The following CCDC122 variants were observed in gnomAD, a reference collection of about 807,000 sequenced individuals.
The protein encoded by CCDC122 is coiled-coil domain containing 122, also known as coiled-coil domain-containing protein 122.
CCDC122 carries 38 observed loss-of-function variants against 37.0 expected under a neutral mutation model. The observed-to-expected ratio is 1.03, with a 90% CI of 0.79 to 1.35. The LOEUF (loss-of-function observed/expected upper bound fraction) is 1.35, where lower values mean the gene tolerates loss of function less well. CCDC122 is among the 40% of genes most tolerant of loss of function. CCDC122 has a pLI of 0.00. For synonymous variants in CCDC122, 83 were observed against 95.6 expected (o/e 0.87, Z 0.77); for missense variants, 305 against 310.0 (o/e 0.98, Z 0.12).
intron 2 of CCDC122, among the ~76,000 whole-genome samples, chr13:43,873,191 C>T (rs1156436350): frequency 1.3e-5 from 2 of 152,098 alleles, no homozygotes; most frequent in Non-Finnish European, 2.9e-5. Context: ...ACATGTGATG[C>T]CATCTAGTTC....
rs1954681529 is a variant in CCDC122 at position 43,877,815 on chromosome 13, C to CA, written c.-200+1815dup. On this transcript the variant is annotated intron_variant, in intron 1 of 6. Transcript: ENST00000444614. ...CTCATACATAGAGGTTAAAACAAAACAAAAAAGCAAAGCAAAACATGCTCA... is the reference window on the plus strand; with the variant it reads ...CTCATACATAGAGGTTAAAACAAAACAAAAAAAGCAAAGCAAAACATGCTCA... The CA allele has an allele frequency of 2.6e-5, 4 of 151,934 alleles. No individual in the cohort carries two copies. The South Asian group carries it at 8.3e-4, about 32-fold the overall frequency. 9.4% of individuals were successfully genotyped at this position (151,934 alleles called of 1,614,324 possible). A position where few individuals can be genotyped will look rare whatever the true frequency, so the allele number is the denominator to read the frequency against.
At chr13:43,854,523 T>C (rs1953843683) in intron 6 of CCDC122, 1 of 152,198 alleles carries the variant, frequency 6.6e-6, no homozygotes, top group African/African-American at 2.4e-5. Context: ...CCAGATGGGT[T>C]CACAGCTGAA....
intron 6 of CCDC122, among the ~76,000 whole-genome samples, chr13:43,838,417 G>C (rs773786286): frequency 6.6e-6 from 1 of 152,110 alleles, no homozygotes; most frequent in Non-Finnish European, 1.5e-5. Context: ...ACACTGGAAG[G>C]CAATGAAGCA....
downstream of CCDC122, among the ~76,000 whole-genome samples, chr13:43,834,206 G>T (rs889265031): frequency 3.3e-5 from 5 of 152,092 alleles, no homozygotes; most frequent in African/African-American, 1.2e-4. Flanking sequence ...CAAGAAATGA[G>T]GAAAGGATTC....
intron 4 of CCDC122, among the ~76,000 whole-genome samples, chr13:43,862,916 C>T (rs9525856): frequency 0.89 from 135,718 of 152,098 alleles, 61,320 homozygotes; most frequent in South Asian, 0.98. Flanking sequence ...ATGAGAATTA[C>T]GTTATTTTTT....
chr13:43,857,050 T>A (rs1466933601), intron 6 of CCDC122, among the ~76,000 whole-genome samples: 3 of 152,156 alleles, frequency 2.0e-5, no homozygotes, highest in Non-Finnish European at 4.4e-5. Context: ...ACGCTCAACA[T>A]CTCCCAACTG....
At chr13:43,845,950 A>G (rs117376096) in intron 6 of CCDC122, among the ~76,000 whole-genome samples, 3 of 152,306 alleles carry the variant, frequency 2.0e-5, no homozygotes, top group Non-Finnish European at 4.4e-5. Context: ...TATATCCACT[A>G]TAAACATCCT....
Position 43,868,508 on chromosome 13 carries a change from T to C in CCDC122, c.156+186A>G, listed in dbSNP as rs150219761. ...TTGCAATGACATTGTTGAATCTTTA[T>C]ATGTTGGGAGTGTAAAATTTTCCAT... On this transcript the variant is annotated intron_variant, in intron 4 of 6. Transcript: ENST00000444614. Among the ~76,000 whole-genome samples, 9 of 152,232 alleles carry C rather than the reference T, an allele frequency of 5.9e-5. No homozygotes were observed. The East Asian group carries it at 1.7e-3, about 29-fold the overall frequency.
downstream of CCDC122, among the ~76,000 whole-genome samples, chr13:43,820,002 G>A (rs1443209155): frequency 6.6e-6 from 1 of 151,666 alleles, no homozygotes; most frequent in Non-Finnish European, 1.5e-5. Flanking sequence ...TTATTATTTT[G>A]AAACAATAAA....
chr13:43,839,830 A>G (rs1953283658), intron 6 of CCDC122, among the ~76,000 whole-genome samples: 1 of 152,216 alleles, frequency 6.6e-6, no homozygotes, highest in African/African-American at 2.4e-5. Flanking sequence ...TTAAATTTAA[A>G]GAGTTTAATT....
intron 6 of CCDC122, among the ~76,000 whole-genome samples, chr13:43,850,418 A>G (rs1242998807): frequency 6.6e-6 from 1 of 152,238 alleles, no homozygotes; most frequent in African/African-American, 2.4e-5. Context: ...GCTTCAATAA[A>G]CAATTACAAA....
At chr13:43,866,391 T>C (rs9533664) in intron 4 of CCDC122, among the ~76,000 whole-genome samples, 77,172 of 151,928 alleles carry the variant, frequency 0.51, 20,038 homozygotes, top group African/African-American at 0.6. Flanking sequence ...ACACTTTTCT[T>C]CTTCAAAATT....
chr13:43,849,978 C>T (rs1453584232), intron 6 of CCDC122, among the ~76,000 whole-genome samples: 2 of 152,188 alleles, frequency 1.3e-5, no homozygotes, highest in African/African-American at 4.8e-5. Context: ...CCTCTCCTCC[C>T]TGATGTAACA....
At chr13:43,869,817 T>G (rs1045292656) in intron 2 of CCDC122, among the ~76,000 whole-genome samples, 2 of 152,070 alleles carry the variant, frequency 1.3e-5, no homozygotes, top group African/African-American at 4.8e-5. Context: ...TATGATGAAA[T>G]AGATTCTGAG....
At chr13:43,866,744 G>A (rs1954287661) in intron 4 of CCDC122, among the ~76,000 whole-genome samples, 1 of 152,158 alleles carries the variant, frequency 6.6e-6, no homozygotes, top group South Asian at 2.1e-4. Flanking sequence ...TCTTGCCAAT[G>A]TGCAGAAATA....
At chr13:43,866,911 G>C (rs998392391) in intron 4 of CCDC122, among the ~76,000 whole-genome samples, 1 of 152,030 alleles carries the variant, frequency 6.6e-6, no homozygotes, top group African/African-American at 2.4e-5. Context: ...AACTGGATGA[G>C]TTTTATTTCT....
At chr13:43,877,906 T>G (rs1954688027) in intron 1 of CCDC122, 1 of 152,206 alleles carries the variant, frequency 6.6e-6, no homozygotes, top group Non-Finnish European at 1.5e-5. Context: ...TAATTATTTT[T>G]TTTTTCAGTT....
At chr13:43,821,279 A>G (rs1057011018), downstream of CCDC122, among the ~76,000 whole-genome samples, 6 of 152,212 alleles carry the variant, frequency 3.9e-5, no homozygotes, top group Middle Eastern at 3.2e-3. Context: ...ACTGGAGTGC[A>G]GTGGCACAAT....
chr13:43,824,101 G>C (rs1953017257), intron 3 of CCDC122: 1 of 152,188 alleles, frequency 6.6e-6, no homozygotes, highest in South Asian at 2.1e-4. Flanking sequence ...GAATCTCTCA[G>C]ATTGGAGGAG....
Sources: gnomAD v4.1 joint callset for allele counts (sites outside exome capture counted in the v4.1 genomes callset) on GRCh38, gnomAD v4.1.1 for gene constraint, MANE v1.5 for transcripts, NCBI Gene and HGNC (gene_info 2026-07-23, HGNC 2026-07-21) for gene names.